GRIN2A: variants seen among roughly 807,000 people sequenced by gnomAD.
The protein encoded by GRIN2A is glutamate ionotropic receptor NMDA type subunit 2A.
GRIN2A carries 22 observed loss-of-function variants against 113.4 expected under a neutral mutation model. That is an observed-to-expected ratio of 0.19 (90% confidence interval 0.14 to 0.28). The LOEUF is 0.28. GRIN2A is among the 10% of genes least tolerant of loss of function. The probability of loss-of-function intolerance (pLI) is 1.00; values close to 1 mark genes in which losing one functional copy is unlikely to be tolerated. For synonymous variants in GRIN2A, 827 were observed against 738.4 expected, an observed-to-expected ratio of 1.12 and a Z score of -1.94; for missense variants, 1,502 against 1,887.0, an observed-to-expected ratio of 0.80 and a Z score of 3.78.
chr16:9,955,558 A>G (rs1422459992), intron 2 of GRIN2A, among the ~76,000 whole-genome samples: 1 of 152,170 alleles, frequency 6.6e-6, no homozygotes, highest in Non-Finnish European at 1.5e-5. Context: ...TAATATTTTC[A>G]TAGTACTTAA....
At chr16:9,841,946 A>G (rs1031219943) in intron 5 of GRIN2A, among the ~76,000 whole-genome samples, 9 of 152,344 alleles carry the variant, frequency 5.9e-5, no homozygotes, top group African/African-American at 1.9e-4. Flanking sequence ...GGCAAACCAG[A>G]AAAATACCTT....
At chr16:10,035,476 C>G (rs1362253047) in intron 2 of GRIN2A, among the ~76,000 whole-genome samples, 2 of 152,198 alleles carry the variant, frequency 1.3e-5, no homozygotes, top group Non-Finnish European at 2.9e-5. Flanking sequence ...TGGCTCCTTT[C>G]AAAGCCCTTA....
chr16:9,849,942 T>C lies in GRIN2A; in HGVS notation c.1142A>G (p.His381Arg), dbSNP rs1401631812. 6.2e-7 allele frequency: 1 copy of C among 1,614,032 alleles called. No homozygotes were observed. The highest frequency in any genetic ancestry group is 8.5e-7 in the Non-Finnish European group (1 of 1,179,934). Residue 381 changes from histidine to arginine, a missense_variant, in exon 5 of 13, where the codon CAT becomes CGT. This residue lies in a region of GRIN2A where 334 missense variants were observed against 403.0 expected (regional missense o/e 0.83). Coordinates refer to ENST00000330684, the MANE Select transcript of GRIN2A (RefSeq NM_001134407.3). ...CACGGCGTGCCTCAGGCTCAGCGTATGGTTCTCCCACTTGCCCACCTGCAG... is the reference window on the plus strand; with the variant it reads ...CACGGCGTGCCTCAGGCTCAGCGTACGGTTCTCCCACTTGCCCACCTGCAG... Reference protein sequence around the residue: ...EWEKVGKWENHTLSLRHAVWP... With the variant: ...EWEKVGKWENRTLSLRHAVWP...
chr16:10,058,788 A>C (rs1264869616), intron 2 of GRIN2A, among the ~76,000 whole-genome samples: 9 of 152,260 alleles, frequency 5.9e-5, no homozygotes, highest in East Asian at 1.9e-4. Context: ...TGTTTCTGAC[A>C]TTCCTGACAA....
chr16:10,156,989 A>G (rs1315627002), intron 2 of GRIN2A, among the ~76,000 whole-genome samples: 1 of 152,196 alleles, frequency 6.6e-6, no homozygotes, highest in Non-Finnish European at 1.5e-5. Flanking sequence ...GATGGGGGGC[A>G]GACTGAGGTG....
chr16:9,773,129 T>C (rs999291400), intron 11 of GRIN2A, among the ~76,000 whole-genome samples: 27 of 152,206 alleles, frequency 1.8e-4, no homozygotes, highest in African/African-American at 2.7e-4. Flanking sequence ...CCATGTTTTA[T>C]GGTTTTGATA....
At chr16:10,141,960 T>G (rs1165132173) in intron 2 of GRIN2A, among the ~76,000 whole-genome samples, 3 of 152,158 alleles carry the variant, frequency 2.0e-5, no homozygotes, top group Non-Finnish European at 2.9e-5. Flanking sequence ...TGCAGCAACT[T>G]CAATCCTCAC....
chr16:10,172,776 A>G (rs1297655384), intron 2 of GRIN2A, among the ~76,000 whole-genome samples: 1 of 152,254 alleles, frequency 6.6e-6, no homozygotes, highest in Admixed American at 6.5e-5. Context: ...GCAAAGAATT[A>G]GAAGTTGAAA....
At chr16:9,968,604 T>C (rs1382744035) in intron 2 of GRIN2A, among the ~76,000 whole-genome samples, 2 of 151,482 alleles carry the variant, frequency 1.3e-5, no homozygotes, top group African/African-American at 4.9e-5. Context: ...TGAGCCACCA[T>C]ACCTGGTCGT....
chr16:9,932,712 A>G (rs1212869467), intron 3 of GRIN2A, among the ~76,000 whole-genome samples: 1 of 152,118 alleles, frequency 6.6e-6, no homozygotes, highest in African/African-American at 2.4e-5. Context: ...AGTTTCATCC[A>G]TAGTAGTAAC....
At chr16:10,070,958 CCCA>C (rs2047738519) in intron 2 of GRIN2A, among the ~76,000 whole-genome samples, 1 of 152,190 alleles carries the variant, frequency 6.6e-6, no homozygotes, top group Non-Finnish European at 1.5e-5. Flanking sequence ...GTCAGATTAA[CCCA>C]ACAACTCTTG....
chr16:10,179,968 T>G (rs766268713), intron 2 of GRIN2A, 30 bp downstream of exon 2: 3 of 1,541,556 alleles, frequency 1.9e-6, no homozygotes, highest in Non-Finnish European at 2.6e-6. Context: ...GCTTCCCAGG[T>G]CCTGGCAGGG....
Position 9,762,066 on chromosome 16 carries a change from G to C in GRIN2A, c.*1083C>G, listed in dbSNP as rs1900607906. The C allele has an allele frequency of 4.9e-6, 1 of 203,834 alleles. No individual in the cohort carries two copies. Among genetic ancestry groups the C allele is most frequent in the African/African-American group, 2.3e-5 (1 of 43,708 alleles). 12.6% of individuals were successfully genotyped at this position (203,834 alleles called of 1,614,324 possible). ...AAACCATGCTAGCCTTCGGCAGACA[G>C]ATGGCATTGTACTTCTTACAGATCA... On this transcript the variant is annotated 3_prime_UTR_variant, in exon 13 of 13. Coordinates refer to ENST00000330684, the MANE Select transcript of GRIN2A (RefSeq NM_001134407.3).
At chr16:9,922,272 A>T (rs1041899489) in intron 3 of GRIN2A, among the ~76,000 whole-genome samples, 1 of 152,126 alleles carries the variant, frequency 6.6e-6, no homozygotes, top group East Asian at 1.9e-4. Context: ...ATGAAATACA[A>T]TTCCAGATTA....
intron 2 of GRIN2A, among the ~76,000 whole-genome samples, chr16:9,988,858 C>T (rs1036483989): frequency 5.3e-5 from 8 of 152,222 alleles, no homozygotes; most frequent in Admixed American, 5.2e-4. Flanking sequence ...AGCCCAAGAT[C>T]CCCCAGAACA....
chr16:10,157,990 A>C (rs1231970868), intron 2 of GRIN2A, among the ~76,000 whole-genome samples: 1 of 151,790 alleles, frequency 6.6e-6, no homozygotes, highest in Non-Finnish European at 1.5e-5. Context: ...TTTAAACTAT[A>C]TTTATTTTTA....
intron 2 of GRIN2A, among the ~76,000 whole-genome samples, chr16:10,011,829 C>G (rs2046511252): frequency 6.6e-6 from 1 of 152,194 alleles, no homozygotes; most frequent in Non-Finnish European, 1.5e-5. Context: ...GTCCAAACCC[C>G]TGAGCACCTA....
At chr16:9,962,442 A>G (rs1405287397) in intron 2 of GRIN2A, among the ~76,000 whole-genome samples, 1 of 152,314 alleles carries the variant, frequency 6.6e-6, no homozygotes, top group African/African-American at 2.4e-5. Context: ...CCCATCAAAA[A>G]GTGGGCAAAG....
chr16:10,115,693 C>A (rs962947169), intron 2 of GRIN2A, among the ~76,000 whole-genome samples: 3 of 152,200 alleles, frequency 2.0e-5, no homozygotes, highest in African/African-American at 7.2e-5. Flanking sequence ...ACTGTATTCT[C>A]AAGCTGAAAA....
Sources: gnomAD v4.1 joint callset for allele counts (sites outside exome capture counted in the v4.1 genomes callset) on GRCh38, gnomAD v4.1.1 for gene constraint, gnomAD v4.1.1 regional missense constraint, MANE v1.5 for transcripts, NCBI Gene and HGNC (gene_info 2026-07-23, HGNC 2026-07-21) for gene names.